The following CALN1 variants were observed in gnomAD, a reference collection of about 807,000 sequenced individuals.
CALN1 encodes the protein calcium-binding protein 8.
A neutral mutation model predicts 30.6 loss-of-function variants in CALN1; 17 were observed. The ratio of observed to expected loss-of-function variants is 0.56; its 90% CI spans 0.38 to 0.83. The LOEUF (loss-of-function observed/expected upper bound fraction) is 0.83, where lower values mean the gene tolerates loss of function less well. Ranked by LOEUF, CALN1 falls within the 40% of genes least tolerant of loss-of-function variation. CALN1 has a pLI of 0.00. For synonymous variants in CALN1, 156 were observed against 131.4 expected (o/e 1.19, Z -1.28); for missense variants, 291 against 354.9 (o/e 0.82, Z 1.45).
chr7:72,079,544 A>G (rs562288523), intron 4 of CALN1, among the ~76,000 whole-genome samples: 1 of 152,114 alleles, frequency 6.6e-6, no homozygotes, highest in African/African-American at 2.4e-5. Context: ...AAAAACCGCA[A>G]TTACTCTCGC....
In CALN1 at chr7:71,960,134, A is replaced by AAAAT. The variant is rs71092940; in HGVS notation, c.501+63519_501+63522dup. Among the ~76,000 whole-genome samples the AAAAT allele has an allele frequency of 3.5e-3, 476 of 135,888 alleles. 3 individuals carry two copies. The highest frequency in any genetic ancestry group is 4.8e-3 in the Non-Finnish European group (313 of 64,730). The allele number at this position is 135,888 out of a possible 152,430, so 89.1% of individuals were successfully genotyped here. A position where few individuals can be genotyped will look rare whatever the true frequency, so the allele number is the denominator to read the frequency against. ...GGCAACAGAGAGAGACTCCATCTCAAAAATAAATAAATAAATAAATAAATA... is the reference window on the plus strand; with the variant it reads ...GGCAACAGAGAGAGACTCCATCTCAAAAATAAATAAATAAATAAATAAATAAATA... On this transcript the variant is annotated intron_variant, in intron 5 of 6. Transcript: ENST00000395275.
chr7:72,401,914 T>C (rs1406691456), intron 2 of CALN1, among the ~76,000 whole-genome samples: 2 of 152,128 alleles, frequency 1.3e-5, no homozygotes. Flanking sequence ...CCCCACCCCC[T>C]TTTCCAGGGG....
At chr7:72,291,528 C>A (rs1161248086) in intron 2 of CALN1, among the ~76,000 whole-genome samples, 2 of 152,222 alleles carry the variant, frequency 1.3e-5, no homozygotes, top group African/African-American at 4.8e-5. Flanking sequence ...AGGCAGTGTA[C>A]ATTTGGACTG....
chr7:72,025,918 C>T (rs1228718235), intron 4 of CALN1, among the ~76,000 whole-genome samples: 2 of 152,100 alleles, frequency 1.3e-5, no homozygotes, highest in Non-Finnish European at 2.9e-5. Context: ...GAACAGATCC[C>T]AGCAGAGGTA....
chr7:72,444,297 G>A (rs1303380862), intron 1 of CALN1, among the ~76,000 whole-genome samples: 1 of 152,056 alleles, frequency 6.6e-6, no homozygotes, highest in Non-Finnish European at 1.5e-5. Flanking sequence ...CAGGCACCCG[G>A]TACAGGTTCC....
At chr7:72,490,232 C>T in the CALN1 span, among the ~76,000 whole-genome samples, 2 of 152,028 alleles carry the variant, frequency 1.3e-5, no homozygotes, top group Non-Finnish European at 2.9e-5. Flanking sequence ...GGGATTCCAG[C>T]AAGTAGAAGA....
At chr7:71,904,737 T>A (rs1201166066) in intron 5 of CALN1, among the ~76,000 whole-genome samples, 1 of 152,274 alleles carries the variant, frequency 6.6e-6, no homozygotes, top group African/African-American at 2.4e-5. Flanking sequence ...ACGCATTTGC[T>A]AATTAGCTAC....
rs902332573 is a variant in CALN1 at position 72,051,835 on chromosome 7, G to T, written c.389-28066C>A. Among the ~76,000 whole-genome samples the T allele has an allele frequency of 3.3e-5, 5 of 152,246 alleles. No individual in the cohort carries two copies. In the East Asian group the frequency reaches 7.7e-4, roughly 24 times the overall value. ...TCTATGGAAGCTGCAAACAGTGCTGGGGAAAATACTAGATTCCTTCAGGAC... is the reference window on the plus strand; with the variant it reads ...TCTATGGAAGCTGCAAACAGTGCTGTGGAAAATACTAGATTCCTTCAGGAC... On this transcript the variant is annotated intron_variant, in intron 4 of 6. Transcript: ENST00000395275.
In CALN1 at chr7:72,278,795, G is replaced by C; in HGVS notation, c.135C>G (p.Phe45Leu). ...ACAACAAGCCGGCGGTCACATGGTG[G>C]AACGGCATCTTTTCCCTGCCCAAGA... The part of the protein sequence containing the change: ...PDFPTWEKMP[F>L]HHVTAGLLYK... Residue 45 changes from phenylalanine (F) to leucine (L), a missense_variant, in exon 3 of 7, where the codon TTC becomes TTG. Coordinates refer to ENST00000395275, the MANE Select transcript of CALN1 (RefSeq NM_031468.4). 1 of 1,613,324 alleles carries C rather than the reference G, an allele frequency of 6.2e-7. No homozygotes were observed. The highest frequency in any genetic ancestry group is 2.2e-5 in the East Asian group (1 of 44,830).
At chr7:72,503,212 G>A in the CALN1 span, among the ~76,000 whole-genome samples, 1 of 152,124 alleles carries the variant, frequency 6.6e-6, no homozygotes, top group African/African-American at 2.4e-5. Context: ...CGTGTCAAAT[G>A]GGGGCAGGGG....
chr7:72,242,253 C>G (rs1389347852), intron 3 of CALN1, among the ~76,000 whole-genome samples: 5 of 152,164 alleles, frequency 3.3e-5, no homozygotes, highest in African/African-American at 7.2e-5. Context: ...AATGGCTATA[C>G]CACATTCTTT....
At chr7:72,149,066 G>C (rs1034162084) in intron 3 of CALN1, among the ~76,000 whole-genome samples, 4 of 152,034 alleles carry the variant, frequency 2.6e-5, no homozygotes, top group Admixed American at 2.6e-4. Context: ...TGTTATGCTG[G>C]TTTCCCTTCA....
chr7:72,499,155 C>G, the CALN1 span, among the ~76,000 whole-genome samples: 1 of 152,104 alleles, frequency 6.6e-6, no homozygotes, highest in Non-Finnish European at 1.5e-5. Context: ...CTCAGCCTCC[C>G]TAGTAGCTGG....
chr7:71,849,374 T>C (rs1056687105), intron 5 of CALN1, among the ~76,000 whole-genome samples: 2 of 151,980 alleles, frequency 1.3e-5, no homozygotes, highest in African/African-American at 4.8e-5. Flanking sequence ...TAGTACTGCA[T>C]AGGTATATGT....
intron 3 of CALN1, among the ~76,000 whole-genome samples, chr7:72,244,808 C>T (rs1024761086): frequency 2.0e-5 from 3 of 152,060 alleles, no homozygotes; most frequent in Admixed American, 6.6e-5. Context: ...TATTCCCTTT[C>T]TCAACTCCAC....
chr7:72,251,970 T>C (rs554559257), intron 3 of CALN1, among the ~76,000 whole-genome samples: 1 of 152,274 alleles, frequency 6.6e-6, no homozygotes, highest in African/African-American at 2.4e-5. Context: ...TATAATTAAT[T>C]GATCAATCAT....
At chr7:72,065,273 G>T (rs1050319654) in intron 4 of CALN1, among the ~76,000 whole-genome samples, 1 of 151,892 alleles carries the variant, frequency 6.6e-6, no homozygotes, top group Non-Finnish European at 1.5e-5. Context: ...TAGTTGTACT[G>T]TTTGTTCATA....
chr7:72,457,727 T>A, the CALN1 span, among the ~76,000 whole-genome samples: 1 of 151,206 alleles, frequency 6.6e-6, no homozygotes, highest in Non-Finnish European at 1.5e-5. Flanking sequence ...TGTCCCTCCA[T>A]AAGTGGCAAG....
intron 3 of CALN1, among the ~76,000 whole-genome samples, chr7:72,179,607 T>C (rs1789613560): frequency 6.6e-6 from 1 of 152,162 alleles, no homozygotes; most frequent in African/African-American, 2.4e-5. Context: ...TACATATATA[T>C]GTGTAACTTC....
Sources: gnomAD v4.1 joint callset for allele counts (sites outside exome capture counted in the v4.1 genomes callset) on GRCh38, gnomAD v4.1.1 for gene constraint, MANE v1.5 for transcripts, NCBI Gene and HGNC (gene_info 2026-07-23, HGNC 2026-07-21) for gene names.